TRIM14: variants seen among roughly 807,000 people sequenced by gnomAD.
TRIM14 encodes tripartite motif-containing protein 14.
Under a neutral mutation model 44.5 loss-of-function variants are expected in TRIM14, and 28 were observed. The ratio of observed to expected loss-of-function variants is 0.63; its 90% CI spans 0.47 to 0.86. The LOEUF is 0.86. Among genes scored for constraint, TRIM14 ranks in the 40% least tolerant of loss-of-function variants. The pLI is 0.00. For missense variants in TRIM14, 607 were observed against 611.1 expected (o/e 0.99, Z 0.07); for synonymous variants, 299 against 269.2 (o/e 1.11, Z -1.08).
Position 98,087,815 on chromosome 9 carries a change from C to A in TRIM14, c.984G>T (p.Val328=). The part of the protein sequence containing the change: ...ATGRHYWEVD[V]QEAGAGWWVG... ...CCCACCAGCCGGCGCCCGCCTCCTG[C>A]ACGTCAACCTCCCAGTAGTGGCGGC... The change falls in exon 6 of 6, where the codon GTG becomes GTT. Residue 328 remains valine (V), a synonymous_variant. Transcript: ENST00000341469. 1 of 1,526,814 alleles carries A rather than the reference C, an allele frequency of 6.5e-7. No individual in the cohort carries two copies. 94.6% of individuals were successfully genotyped at this position (1,526,814 alleles called of 1,614,324 possible).
At chr9:98,101,612 G>C (rs1334460495) in intron 2 of TRIM14, among the ~76,000 whole-genome samples, 5 of 152,020 alleles carry the variant, frequency 3.3e-5, no homozygotes, top group Non-Finnish European at 7.4e-5. Flanking sequence ...AGCAGAGACA[G>C]GGAGTCACTG....
chr9:98,110,157 A>T (rs1826790350), intron 1 of TRIM14, 173 bp from the exon 2 acceptor site: 3 of 602,120 alleles, frequency 5.0e-6, no homozygotes, highest in Admixed American at 5.8e-5. Flanking sequence ...TGGGACTAGG[A>T]CATCTCTGAT....
chr9:98,042,262 C>T, the TRIM14 span, among the ~76,000 whole-genome samples: 1 of 145,684 alleles, frequency 6.9e-6, no homozygotes, highest in Non-Finnish European at 1.5e-5. Context: ...CACTGCACTC[C>T]AGCCCAGGCG....
chr9:98,094,297 G>C (rs1826104289), intron 4 of TRIM14, among the ~76,000 whole-genome samples: 1 of 152,240 alleles, frequency 6.6e-6, no homozygotes, highest in South Asian at 2.1e-4. Flanking sequence ...GCCAGGCCCT[G>C]GGGGGACCTC....
Position 98,095,103 on chromosome 9 carries a change from G to A in TRIM14, c.538-74C>T. On this transcript the variant is annotated intron_variant, in intron 3 of 5. Coordinates refer to ENST00000341469, the MANE Select transcript of TRIM14 (RefSeq NM_014788.4). This position sits in a 1 kb window ranked among gnomAD's most constrained non-coding sequence, Gnocchi z 4.1. Reference sequence around the variant, plus strand: ...ATCCCAGCCTCCTGTGCTGCACCCAGGAACAAACCCACACCAGCATGCCCA... The same window carrying A: ...ATCCCAGCCTCCTGTGCTGCACCCAAGAACAAACCCACACCAGCATGCCCA... The A allele has an allele frequency of 6.5e-7, 1 of 1,527,080 alleles. No individual in the cohort carries two copies. Among genetic ancestry groups the A allele is most frequent in the South Asian group, 1.2e-5 (1 of 80,016 alleles). The allele number at this position is 1,527,080 out of a possible 1,614,324, so 94.6% of individuals were successfully genotyped here.
chr9:98,113,022 G>C (rs1483214127), intron 1 of TRIM14, among the ~76,000 whole-genome samples: 1 of 144,168 alleles, frequency 6.9e-6, no homozygotes, highest in African/African-American at 2.6e-5. Flanking sequence ...GCTAAGGCAG[G>C]AAAATTGCTT....
chr9:98,097,630 G>A (rs1035794833), intron 3 of TRIM14, among the ~76,000 whole-genome samples: 1 of 152,148 alleles, frequency 6.6e-6, no homozygotes, highest in Non-Finnish European at 1.5e-5. Flanking sequence ...ACCCAACTGT[G>A]AGCTCCTAAT....
downstream of TRIM14, chr9:98,081,215 G>C: frequency 2.5e-6 from 3 of 1,222,736 alleles, no homozygotes; most frequent in Non-Finnish European, 3.4e-6. Flanking sequence ...GCTCCCACCC[G>C]TGTCAGCTTC....
chr9:98,049,162 A>G, the TRIM14 span, among the ~76,000 whole-genome samples: 2 of 149,002 alleles, frequency 1.3e-5, no homozygotes, highest in Admixed American at 1.3e-4. Flanking sequence ...ACCAACATGG[A>G]GAAACTCCAT....
At chr9:98,050,163 G>T in the TRIM14 span, among the ~76,000 whole-genome samples, 2 of 152,206 alleles carry the variant, frequency 1.3e-5, no homozygotes, top group Non-Finnish European at 2.9e-5. Flanking sequence ...ACAGATATGG[G>T]CTACAGTCTG....
chr9:98,106,606 G>A (rs536580618), intron 2 of TRIM14, among the ~76,000 whole-genome samples: 33 of 152,228 alleles, frequency 2.2e-4, no homozygotes, highest in Non-Finnish European at 4.0e-4. Context: ...ACCTTATGAA[G>A]GCCACTTAGG....
intron 5 of TRIM14, 149 bp from the exon 6 acceptor site, chr9:98,088,154 C>G: frequency 1.1e-6 from 1 of 873,174 alleles, no homozygotes; most frequent in Non-Finnish European, 1.6e-6. Flanking sequence ...TAAACCGCGA[C>G]TGCCCCTGGG....
At chr9:98,071,255 T>C (rs546491398) in intron 6 of TRIM14, among the ~76,000 whole-genome samples, 31 of 152,322 alleles carry the variant, frequency 2.0e-4, no homozygotes, top group African/African-American at 7.0e-4. Context: ...GTATGGTACA[T>C]ACCCCCGACT....
At chr9:98,062,275 T>C in the TRIM14 span, among the ~76,000 whole-genome samples, 68 of 151,958 alleles carry the variant, frequency 4.5e-4, no homozygotes, top group Non-Finnish European at 8.8e-4. Context: ...TGACTAGCCT[T>C]GACTGACTTG....
In TRIM14 at chr9:98,087,387, G is replaced by A; in HGVS notation, c.*83C>T. The A allele has an allele frequency of 6.3e-7, 1 of 1,598,740 alleles. No individual in the cohort carries two copies. The highest frequency in any genetic ancestry group is 8.6e-7 in the Non-Finnish European group (1 of 1,166,566). ...GGGCCCTAAGAAGCAGGCAGTAAGGGGACCAGCCACGCTGATCTAGGTAGA... is the reference window on the plus strand; with the variant it reads ...GGGCCCTAAGAAGCAGGCAGTAAGGAGACCAGCCACGCTGATCTAGGTAGA... On this transcript the variant is annotated 3_prime_UTR_variant, in exon 6 of 6. Coordinates refer to ENST00000341469, the MANE Select transcript of TRIM14 (RefSeq NM_014788.4).
At chr9:98,061,734 C>T in the TRIM14 span, among the ~76,000 whole-genome samples, 5 of 150,666 alleles carry the variant, frequency 3.3e-5, no homozygotes, top group East Asian at 1.9e-4. Flanking sequence ...AAGCCGAGAT[C>T]GCGCCACTGC....
At chr9:98,083,168 C>A, downstream of TRIM14, 1 of 953,102 alleles carries the variant, frequency 1.0e-6, no homozygotes, top group Non-Finnish European at 1.6e-6. Context: ...TCATCCACCT[C>A]CACCTGCTCC....
the TRIM14 span, among the ~76,000 whole-genome samples, chr9:98,043,103 C>T: frequency 6.6e-6 from 1 of 151,750 alleles, no homozygotes; most frequent in Non-Finnish European, 1.5e-5. Flanking sequence ...TCTTTTTTTC[C>T]CCCTATTTAG....
chr9:98,092,910 C>A (rs1280099071), intron 4 of TRIM14, among the ~76,000 whole-genome samples: 2 of 152,116 alleles, frequency 1.3e-5, no homozygotes, highest in East Asian at 3.9e-4. Flanking sequence ...AGAGGGCTGC[C>A]GGATTCATGA....
Sources: allele counts gnomAD v4.1 joint callset (sites outside exome capture counted in the v4.1 genomes callset), GRCh38; gene constraint gnomAD v4.1.1; non-coding constraint Gnocchi (gnomAD v3.1); transcripts MANE v1.5; gene names NCBI Gene and HGNC (gene_info 2026-07-23, HGNC 2026-07-21).